Variants in DDAH1 observed in about 807,000 individuals in gnomAD.
DDAH1 encodes the protein dimethylarginine dimethylaminohydrolase 1.
In DDAH1, 19 loss-of-function variants were observed where a neutral mutation model predicts 28.8. That is an observed-to-expected ratio of 0.66 (90% CI 0.46 to 0.97). The LOEUF (loss-of-function observed/expected upper bound fraction) is 0.97, where lower values mean the gene tolerates loss of function less well. Among genes scored for constraint, DDAH1 ranks in the 50% least tolerant of loss-of-function variants. The pLI, the probability that DDAH1 is intolerant of heterozygous loss-of-function variation, is 0.00. For synonymous variants in DDAH1, 153 were observed against 154.4 expected (o/e 0.99, Z 0.07); for missense variants, 326 against 375.9 (o/e 0.87, Z 1.10).
At chr1:85,363,450 A>G (rs1421140971) in intron 1 of DDAH1, among the ~76,000 whole-genome samples, 2 of 152,190 alleles carry the variant, frequency 1.3e-5, no homozygotes, top group African/African-American at 4.8e-5. Context: ...AACTCATCAC[A>G]TTACAGGAGC....
At chr1:85,371,362 A>C (rs368550448) in intron 1 of DDAH1, among the ~76,000 whole-genome samples, 1 of 152,146 alleles carries the variant, frequency 6.6e-6, no homozygotes, top group Non-Finnish European at 1.5e-5. Context: ...ACAGCAGCAC[A>C]TGTCTGAAGC....
At chr1:85,558,234 C>T (rs1659040835) in intron 1 of DDAH1, among the ~76,000 whole-genome samples, 1 of 152,156 alleles carries the variant, frequency 6.6e-6, no homozygotes, top group Non-Finnish European at 1.5e-5. Context: ...TGATGGCGGG[C>T]ACCTGTAGTC....
At chr1:85,477,170 A>C (rs1461536707) in intron 2 of DDAH1, among the ~76,000 whole-genome samples, 1 of 152,176 alleles carries the variant, frequency 6.6e-6, no homozygotes, top group Non-Finnish European at 1.5e-5. Flanking sequence ...ATGAGCAAAG[A>C]CACAAGGTGG....
chr1:85,338,585 C>T (rs1420233276), intron 4 of DDAH1, among the ~76,000 whole-genome samples: 1 of 152,150 alleles, frequency 6.6e-6, no homozygotes, highest in Non-Finnish European at 1.5e-5. Flanking sequence ...GTTCTCACAG[C>T]GTATGGATTA....
intron 4 of DDAH1, among the ~76,000 whole-genome samples, chr1:85,348,352 A>G (rs186664677): frequency 1.3e-5 from 2 of 152,060 alleles, no homozygotes; most frequent in Non-Finnish European, 2.9e-5. Context: ...TCCTTTTCCA[A>G]TGTTGGTCCA....
rs577040867 is a variant in DDAH1, at chr1:85,562,659, G to A, written c.-123+15325C>T. 3.9e-5 allele frequency among the ~76,000 whole-genome samples: 6 copies of A among 152,248 alleles called. No homozygotes were observed. In the South Asian group the frequency reaches 8.3e-4, roughly 21 times the overall value. On this transcript the variant is annotated intron_variant, in intron 1 of 6. Transcript: ENST00000426972. ...AGATGGAAGCAGATATTGGAGCGAC[G>A]CATACACAAACCAAGGAACACTGAG...
intron 4 of DDAH1, among the ~76,000 whole-genome samples, chr1:85,328,626 CA>C (rs1647567714): frequency 6.6e-6 from 1 of 152,160 alleles, no homozygotes; most frequent in Non-Finnish European, 1.5e-5. Flanking sequence ...CTAGTTTACC[CA>C]AGAAGTTCAG....
At chr1:85,499,351 C>T (rs1187350244) in intron 1 of DDAH1, among the ~76,000 whole-genome samples, 2 of 152,122 alleles carry the variant, frequency 1.3e-5, no homozygotes, top group South Asian at 4.1e-4. Flanking sequence ...AAGTAGATAG[C>T]CCTTTTGAGG....
At chr1:85,533,144 G>T (rs867742247) in intron 1 of DDAH1, among the ~76,000 whole-genome samples, 1 of 152,048 alleles carries the variant, frequency 6.6e-6, no homozygotes, top group Admixed American at 6.6e-5. Context: ...ACCTCATAGG[G>T]TCTTAAATAT....
chr1:85,456,091 A>G (rs1654867491), intron 1 of DDAH1, among the ~76,000 whole-genome samples: 1 of 147,810 alleles, frequency 6.8e-6, no homozygotes, highest in Admixed American at 6.8e-5. Flanking sequence ...CCGGGTTCCA[A>G]AAAGAAAAAA....
intron 1 of DDAH1, among the ~76,000 whole-genome samples, chr1:85,536,385 T>C (rs1334070770): frequency 6.6e-6 from 1 of 151,532 alleles, no homozygotes; most frequent in Admixed American, 6.6e-5. Flanking sequence ...AAACCCCGTC[T>C]CTACTAAATA....
At chr1:85,511,319 T>TG (rs1657222103) in intron 1 of DDAH1, among the ~76,000 whole-genome samples, 1 of 152,108 alleles carries the variant, frequency 6.6e-6, no homozygotes, top group Non-Finnish European at 1.5e-5. Context: ...AAAGACACAA[T>TG]GTACCAGAGT....
At chr1:85,493,024 T>C (rs1656458915) in intron 2 of DDAH1, among the ~76,000 whole-genome samples, 1 of 152,134 alleles carries the variant, frequency 6.6e-6, no homozygotes, top group Admixed American at 6.5e-5. Context: ...TTTGCCTTCA[T>C]GGGCCCCTTC....
Position 85,324,658 on chromosome 1 carries a change from G to A in DDAH1, c.741+82C>T, listed in dbSNP as rs1647256511. On this transcript the variant is annotated intron_variant, in intron 5 of 5. Coordinates refer to ENST00000284031, the MANE Select transcript of DDAH1 (RefSeq NM_012137.4). ...GTTTGATATGTATACAGGAAAAGGA[G>A]GCTCCTATTGGTCACTCCTTTATGA... The A allele has an allele frequency of 3.4e-6, 5 of 1,473,806 alleles. No individual in the cohort carries two copies. The East Asian group carries it at 9.1e-5, about 27-fold the overall frequency. The allele number at this position is 1,473,806 out of a possible 1,614,324, so 91.3% of individuals were successfully genotyped here.
chr1:85,442,773 T>C (rs1473875829), intron 1 of DDAH1, among the ~76,000 whole-genome samples: 1 of 152,254 alleles, frequency 6.6e-6, no homozygotes, highest in Non-Finnish European at 1.5e-5. Flanking sequence ...ATTTCTCTGA[T>C]GGCCAGTGAT....
chr1:85,504,483 A>T (rs1656938284), intron 1 of DDAH1, among the ~76,000 whole-genome samples: 1 of 152,200 alleles, frequency 6.6e-6, no homozygotes, highest in Non-Finnish European at 1.5e-5. Flanking sequence ...GCTATAGAAG[A>T]ACCAAGAAAA....
chr1:85,554,845 A>G (rs2100798502), intron 1 of DDAH1, among the ~76,000 whole-genome samples: 1 of 152,306 alleles, frequency 6.6e-6, no homozygotes, highest in Non-Finnish European at 1.5e-5. Context: ...GAATCAAGAC[A>G]CCTTTGCCTG....
At chr1:85,476,654 T>C (rs977562688) in intron 2 of DDAH1, among the ~76,000 whole-genome samples, 1 of 152,170 alleles carries the variant, frequency 6.6e-6, no homozygotes, top group African/African-American at 2.4e-5. Context: ...ATAGCTAGCA[T>C]GGCATGATTT....
intron 1 of DDAH1, among the ~76,000 whole-genome samples, chr1:85,461,895 C>A (rs1655139535): frequency 6.6e-6 from 1 of 152,184 alleles, no homozygotes; most frequent in South Asian, 2.1e-4. Flanking sequence ...CTAAGTGGGA[C>A]TAGAGCTTTG....
Sources: gnomAD v4.1 joint callset for allele counts (sites outside exome capture counted in the v4.1 genomes callset) on GRCh38, gnomAD v4.1.1 for gene constraint, MANE v1.5 for transcripts, NCBI Gene and HGNC (gene_info 2026-07-23, HGNC 2026-07-21) for gene names.